MAGI1: variants seen among roughly 807,000 people sequenced by gnomAD.
The protein encoded by MAGI1 is membrane associated guanylate kinase, WW and PDZ domain containing 1, also known as membrane-associated guanylate kinase, WW and PDZ domain-containing protein 1.
In MAGI1, 58 loss-of-function variants were observed where a neutral mutation model predicts 139.9. That is an observed-to-expected ratio of 0.41 (90% CI 0.34 to 0.52). MAGI1 has a LOEUF of 0.52. Among genes scored for constraint, MAGI1 ranks in the 20% least tolerant of loss-of-function variants. The pLI, the probability that MAGI1 is intolerant of heterozygous loss-of-function variation, is 0.12. For synonymous variants in MAGI1, 812 were observed against 737.9 expected, an observed-to-expected ratio of 1.10 and a Z score of -1.63; for missense variants, 1,874 against 1,901.6, an observed-to-expected ratio of 0.99 and a Z score of 0.27.
intron 2 of MAGI1, among the ~76,000 whole-genome samples, chr3:65,621,399 G>A (rs1287776882): frequency 6.6e-6 from 1 of 152,134 alleles, no homozygotes; most frequent in Admixed American, 6.5e-5. Flanking sequence ...GTAATCTAAT[G>A]GTTTGGGGGT....
chr3:65,968,815 T>A (rs2064882531), intron 1 of MAGI1, among the ~76,000 whole-genome samples: 1 of 152,122 alleles, frequency 6.6e-6, no homozygotes, highest in Non-Finnish European at 1.5e-5. Flanking sequence ...ATAAGACCAT[T>A]TAAAATAAAC....
At chr3:65,691,138 TA>T (rs1315091005) in intron 1 of MAGI1, among the ~76,000 whole-genome samples, 1 of 151,498 alleles carries the variant, frequency 6.6e-6, no homozygotes, top group Non-Finnish European at 1.5e-5. Context: ...CCGTCTCTAC[TA>T]AAAATACAAA....
chr3:65,677,523 G>A (rs977396416), intron 1 of MAGI1, among the ~76,000 whole-genome samples: 2 of 152,346 alleles, frequency 1.3e-5, no homozygotes, highest in East Asian at 3.9e-4. Context: ...ACTGAGCAGA[G>A]TGCTTAAGGT....
At chr3:65,551,112 C>T (rs1043949923) in intron 2 of MAGI1, among the ~76,000 whole-genome samples, 6 of 152,240 alleles carry the variant, frequency 3.9e-5, no homozygotes, top group Admixed American at 1.3e-4. Flanking sequence ...GGGGCGATTT[C>T]TGCCATGCTG....
chr3:65,690,114 C>T (rs1489818061), intron 1 of MAGI1, among the ~76,000 whole-genome samples: 1 of 152,068 alleles, frequency 6.6e-6, no homozygotes, highest in Non-Finnish European at 1.5e-5. Flanking sequence ...CCCAAATCAG[C>T]CAATGAGATT....
chr3:65,402,328 G>A (rs886823595), intron 12 of MAGI1, among the ~76,000 whole-genome samples: 2 of 152,180 alleles, frequency 1.3e-5, no homozygotes, highest in Admixed American at 6.5e-5. Flanking sequence ...TTAGTGGGAG[G>A]GCTGGAGCTG....
chr3:65,688,245 A>ACT lies in MAGI1; in HGVS notation c.314-66159_314-66158dup, dbSNP rs1473677882. On this transcript the variant is annotated intron_variant, in intron 1 of 22. Transcript: ENST00000402939. ...GGACATAGTCTGCTACACAGCCCAG[A>ACT]CTCTGGTCTGAATCCTCTCACATGG... is the stretch of plus-strand genomic sequence containing the variant. 4.8e-6 allele frequency: 4 copies of ACT among 832,488 alleles called. No homozygotes were observed. In the East Asian group the frequency reaches 1.3e-4, roughly 28 times the overall value. The allele number at this position is 832,488 out of a possible 1,614,324, so 51.6% of individuals were successfully genotyped here.
At chr3:65,453,486 A>G in intron 5 of MAGI1, 146 bp from the exon 6 acceptor site, 2 of 640,854 alleles carry the variant, frequency 3.1e-6, no homozygotes, top group Non-Finnish European at 5.4e-6. Context: ...ACCAGAAGAG[A>G]GCCTGAGTTT....
chr3:65,758,596 G>A (rs903180834), intron 1 of MAGI1, among the ~76,000 whole-genome samples: 2 of 152,114 alleles, frequency 1.3e-5, no homozygotes, highest in Non-Finnish European at 2.9e-5. Flanking sequence ...TGCCCCAGGA[G>A]ACATCTGGCA....
chr3:65,705,450 T>C (rs1194123781), intron 1 of MAGI1, among the ~76,000 whole-genome samples: 1 of 152,236 alleles, frequency 6.6e-6, no homozygotes, highest in Non-Finnish European at 1.5e-5. Context: ...CTGAATTGTA[T>C]ACTTTAAAAT....
At chr3:65,718,152 T>G (rs918643239) in intron 1 of MAGI1, among the ~76,000 whole-genome samples, 1 of 152,190 alleles carries the variant, frequency 6.6e-6, no homozygotes, top group East Asian at 1.9e-4. Context: ...ATACAACTGA[T>G]AGGCTATGTC....
At chr3:65,446,978 C>T (rs747313665) in intron 7 of MAGI1, among the ~76,000 whole-genome samples, 9 of 152,078 alleles carry the variant, frequency 5.9e-5, no homozygotes, top group East Asian at 3.8e-4. Flanking sequence ...CTTTATCTCA[C>T]GTAACAAAAA....
chr3:65,519,587 C>T (rs372180769), intron 2 of MAGI1, among the ~76,000 whole-genome samples: 2 of 151,908 alleles, frequency 1.3e-5, no homozygotes, highest in Non-Finnish European at 2.9e-5. Flanking sequence ...GGTTTCACCA[C>T]GTTGGCCAGG....
chr3:65,560,812 A>AG (rs34292973), intron 2 of MAGI1, among the ~76,000 whole-genome samples: 2 of 152,224 alleles, frequency 1.3e-5, no homozygotes, highest in African/African-American at 4.8e-5. Context: ...TCCAAACACT[A>AG]GGGAAGTCTG....
chr3:65,962,677 A>C (rs558349388), intron 1 of MAGI1, among the ~76,000 whole-genome samples: 1 of 151,298 alleles, frequency 6.6e-6, no homozygotes, highest in South Asian at 2.1e-4. Flanking sequence ...TCTACTAAAA[A>C]CGCTGGGCGT....
intron 1 of MAGI1, among the ~76,000 whole-genome samples, chr3:65,937,408 G>A (rs950432909): frequency 1.3e-5 from 2 of 152,102 alleles, no homozygotes; most frequent in South Asian, 4.2e-4. Context: ...TCCCCAGCTG[G>A]CTCACCAGGA....
intron 1 of MAGI1, among the ~76,000 whole-genome samples, chr3:65,742,317 G>T (rs182420260): frequency 6.6e-6 from 1 of 152,252 alleles, no homozygotes; most frequent in East Asian, 1.9e-4. Flanking sequence ...CTGCGCCCAT[G>T]TTTTGAGACA....
At chr3:65,731,991 C>T (rs2034243959) in intron 1 of MAGI1, among the ~76,000 whole-genome samples, 1 of 152,140 alleles carries the variant, frequency 6.6e-6, no homozygotes, top group South Asian at 2.1e-4. Flanking sequence ...TGAAATGTCG[C>T]AATTAAACAA....
intron 20 of MAGI1, 69 bp from the exon 21 acceptor site, chr3:65,363,677 T>C: frequency 7.0e-7 from 1 of 1,425,790 alleles, no homozygotes; most frequent in Non-Finnish European, 9.5e-7. Context: ...CTAAACATTC[T>C]TGGCAAAAAG....
Sources: allele counts gnomAD v4.1 joint callset (sites outside exome capture counted in the v4.1 genomes callset), GRCh38; gene constraint gnomAD v4.1.1; transcripts MANE v1.5; gene names NCBI Gene and HGNC (gene_info 2026-07-23, HGNC 2026-07-21).